The following PTPRQ variants were observed in gnomAD, a reference collection of about 807,000 sequenced individuals.
PTPRQ encodes the protein protein tyrosine phosphatase receptor type Q.
PTPRQ carries 199 observed loss-of-function variants against 246.0 expected under a neutral mutation model. That is an observed-to-expected ratio of 0.81 (90% CI 0.72 to 0.91). PTPRQ has a LOEUF of 0.91. Among genes scored for constraint, PTPRQ ranks in the 40% least tolerant of loss-of-function variants. The pLI is 0.00. For missense variants in PTPRQ, 2,624 were observed against 2,528.4 expected (o/e 1.04, Z -0.81); for synonymous variants, 869 against 853.2 (o/e 1.02, Z -0.32).
At position 80,603,081 on chromosome 12, in the gene PTPRQ, T is replaced by G. The variant is rs1397064155; in HGVS notation, c.4610-1978T>G. Reference sequence around the variant, plus strand: ...ATGTGCTGTTGTGAACTGCCAAAATTCACTAATATTAATGCATGAGTTAGC... The same window carrying G: ...ATGTGCTGTTGTGAACTGCCAAAATGCACTAATATTAATGCATGAGTTAGC... On this transcript the variant is annotated intron_variant, in intron 26 of 44. Transcript: ENST00000644991. 2.6e-5 allele frequency among the ~76,000 whole-genome samples: 4 copies of G among 151,814 alleles called. No homozygotes were observed. The East Asian group carries it at 7.8e-4, about 30-fold the overall frequency.
chr12:80,668,177 T>TA (rs1203070036), intron 39 of PTPRQ, among the ~76,000 whole-genome samples: 1 of 151,992 alleles, frequency 6.6e-6, no homozygotes, highest in Non-Finnish European at 1.5e-5. Context: ...TACTACTTTT[T>TA]AACTTATACA....
intron 34 of PTPRQ, chr12:80,634,605 T>A (rs1292688111): frequency 5.0e-6 from 1 of 201,884 alleles, no homozygotes; most frequent in African/African-American, 2.4e-5. Context: ...ATATGACAAA[T>A]CAATGACATA....
chr12:80,632,434 T>C, intron 34 of PTPRQ, 143 bp downstream of exon 34: 1 of 1,226,416 alleles, frequency 8.2e-7, no homozygotes, highest in South Asian at 1.5e-5. Flanking sequence ...GTATTTATCA[T>C]GTACAATATG....
chr12:80,461,973 G>A (rs1281869034), intron 6 of PTPRQ: 18 of 673,668 alleles, frequency 2.7e-5, no homozygotes, highest in Non-Finnish European at 4.1e-5. Context: ...TTCATCTAAG[G>A]TACCCGTTCG....
At chr12:80,606,284 G>A (rs1366330195) in intron 27 of PTPRQ, among the ~76,000 whole-genome samples, 1 of 150,866 alleles carries the variant, frequency 6.6e-6, no homozygotes, top group East Asian at 2.0e-4. Flanking sequence ...TTAGAAGATA[G>A]TCAAAATTAT....
At chr12:80,456,946 A>T (rs1893000441) in intron 3 of PTPRQ, among the ~76,000 whole-genome samples, 1 of 152,164 alleles carries the variant, frequency 6.6e-6, no homozygotes, top group Non-Finnish European at 1.5e-5. Flanking sequence ...GAATTGGTAG[A>T]ACTACAGTTA....
At chr12:80,445,830 A>G (rs1277102864) in intron 3 of PTPRQ, 113 bp downstream of exon 3, 1 of 715,702 alleles carries the variant, frequency 1.4e-6, no homozygotes, top group Admixed American at 2.2e-5. Flanking sequence ...TCAGTGACTG[A>G]CAACGTTCAC....
intron 7 of PTPRQ, among the ~76,000 whole-genome samples, chr12:80,470,876 C>G (rs1893603168): frequency 6.6e-6 from 1 of 152,102 alleles, no homozygotes; most frequent in East Asian, 1.9e-4. Flanking sequence ...AATTGAGATT[C>G]TTAATGATAC....
At chr12:80,496,679 G>T in intron 14 of PTPRQ, 148 bp downstream of exon 14, 3 of 1,031,752 alleles carry the variant, frequency 2.9e-6, no homozygotes, top group South Asian at 2.2e-5. Context: ...TCTTTTTCAG[G>T]CAAAAGTGCA....
At chr12:80,606,619 C>A (rs1382810747) in intron 27 of PTPRQ, among the ~76,000 whole-genome samples, 1 of 150,944 alleles carries the variant, frequency 6.6e-6, no homozygotes, top group African/African-American at 2.4e-5. Flanking sequence ...GATTTCTCCT[C>A]CTTTCTCTCT....
chr12:80,496,490 A>G lies in PTPRQ; in HGVS notation c.2231A>G (p.Asn744Ser). Reference protein sequence around the residue: ...VRSYTRFGHGNQVSSLLSVRT... With the variant: ...VRSYTRFGHGSQVSSLLSVRT... ...TCTTACACCAGATTTGGTCATGGCAATCAGGTATCTTCTTTACTCTCTGTA... is the reference window on the plus strand; with the variant it reads ...TCTTACACCAGATTTGGTCATGGCAGTCAGGTATCTTCTTTACTCTCTGTA... The change falls in exon 14 of 45, where the codon AAT becomes AGT. Residue 744 changes from asparagine to serine, a missense_variant. Transcript: ENST00000644991. 2 of 1,550,240 alleles carry G rather than the reference A, an allele frequency of 1.3e-6. No individual in the cohort carries two copies. Among genetic ancestry groups the G allele is most frequent in the Non-Finnish European group, 8.7e-7 (1 of 1,146,304 alleles).
intron 7 of PTPRQ, among the ~76,000 whole-genome samples, chr12:80,470,265 A>G (rs551672167): frequency 1.3e-5 from 2 of 152,324 alleles, no homozygotes; most frequent in Non-Finnish European, 1.5e-5. Flanking sequence ...GTCCATACTA[A>G]CAGATAATTT....
Position 80,484,558 on chromosome 12 carries a change from G to A in PTPRQ, c.1312G>A (p.Glu438Lys). 1 of 1,550,480 alleles carries A rather than the reference G, an allele frequency of 6.4e-7. No homozygotes were observed. Among genetic ancestry groups the A allele is most frequent in the Non-Finnish European group, 8.7e-7 (1 of 1,146,654 alleles). Reference protein sequence around the residue: ...NQYRVKVLVPETGIILENTLL... With the variant: ...NQYRVKVLVPKTGIILENTLL... ...ATACCGAGTGAAAGTGCTAGTTCCA[G>A]AGACAGGAATAATTTTGGAAAATAC... The change falls in exon 9 of 45, where the codon GAG becomes AAG. Residue 438 changes from glutamate (E) to lysine (K), a missense_variant. Coordinates refer to ENST00000644991, the MANE Select transcript of PTPRQ (RefSeq NM_001145026.2).
intron 19 of PTPRQ, among the ~76,000 whole-genome samples, chr12:80,537,353 C>T (rs1782979078): frequency 6.6e-6 from 1 of 152,140 alleles, no homozygotes; most frequent in African/African-American, 2.4e-5. Flanking sequence ...CCCCTTCCTA[C>T]AGAACTTTGT....
intron 23 of PTPRQ, among the ~76,000 whole-genome samples, chr12:80,544,781 T>G (rs1027704230): frequency 6.6e-6 from 1 of 152,098 alleles, no homozygotes; most frequent in Non-Finnish European, 1.5e-5. Flanking sequence ...TTATATTATT[T>G]TCTCTGTTTT....
chr12:80,518,701 C>A (rs184544866), intron 17 of PTPRQ, among the ~76,000 whole-genome samples: 1 of 152,122 alleles, frequency 6.6e-6, no homozygotes, highest in African/African-American at 2.4e-5. Flanking sequence ...ATATGGATAT[C>A]CAGTTTTCCC....
intron 18 of PTPRQ, 143 bp downstream of exon 18, chr12:80,534,318 C>A (rs1420659271): frequency 1.1e-6 from 1 of 925,316 alleles, no homozygotes; most frequent in Non-Finnish European, 1.5e-6. Context: ...ATTTTGATCA[C>A]TTTTTAGCTG....
At chr12:80,522,913 A>G (rs1438457279) in intron 17 of PTPRQ, among the ~76,000 whole-genome samples, 3 of 151,926 alleles carry the variant, frequency 2.0e-5, no homozygotes, top group Non-Finnish European at 2.9e-5. Flanking sequence ...TTTTTCTATC[A>G]ATTGGAATAG....
chr12:80,530,122 C>A (rs1377375652), intron 17 of PTPRQ, among the ~76,000 whole-genome samples: 4 of 152,300 alleles, frequency 2.6e-5, no homozygotes, highest in Admixed American at 1.3e-4. Context: ...CCCTATCCTA[C>A]TCTCAAACTT....
Sources: allele counts gnomAD v4.1 joint callset (sites outside exome capture counted in the v4.1 genomes callset), GRCh38; gene constraint gnomAD v4.1.1; transcripts MANE v1.5; gene names NCBI Gene and HGNC (gene_info 2026-07-23, HGNC 2026-07-21).